LAMA1: variants seen among roughly 807,000 people sequenced by gnomAD.
LAMA1 encodes the protein laminin subunit alpha-1.
In LAMA1, 219 loss-of-function variants were observed where a neutral mutation model predicts 348.7. The ratio of observed to expected loss-of-function variants is 0.63; its 90% confidence interval spans 0.56 to 0.70. The LOEUF is 0.70. Ranked by LOEUF, LAMA1 falls within the 30% of genes least tolerant of loss-of-function variation. LAMA1 has a pLI of 0.00. For missense variants in LAMA1, 3,744 were observed against 3,888.0 expected, an observed-to-expected ratio of 0.96 and a Z score of 0.99; for synonymous variants, 1,487 against 1,491.0, an observed-to-expected ratio of 1.00 and a Z score of 0.06.
chr18:7,014,061 G>C lies in LAMA1; in HGVS notation c.3127-10C>G, dbSNP rs371436843. On this transcript the variant is annotated splice_polypyrimidine_tract_variant and intron_variant, in intron 22 of 62. Coordinates refer to ENST00000389658, the MANE Select transcript of LAMA1 (RefSeq NM_005559.4). ...GACTGCAATTGCAGGCCTGAGAGAA[G>C]GGAAAACCAACTCAATTAAAAAGGC... 2 of 1,607,392 alleles carry C rather than the reference G, an allele frequency of 1.2e-6. No homozygotes were observed. Among genetic ancestry groups the C allele is most frequent in the Non-Finnish European group, 1.7e-6 (2 of 1,174,330 alleles).
intron 55 of LAMA1, chr18:6,956,983 T>C (rs1051778920): frequency 1.3e-5 from 7 of 555,628 alleles, no homozygotes; most frequent in Non-Finnish European, 2.0e-5. Flanking sequence ...GCACCCAGCC[T>C]AGCATATCCC....
intron 19 of LAMA1, 67 bp downstream of exon 19, chr18:7,023,097 T>G: frequency 6.6e-7 from 1 of 1,526,132 alleles, no homozygotes; most frequent in Non-Finnish European, 8.9e-7. Flanking sequence ...GTGACACATG[T>G]GACTATACGG....
At position 6,942,343 on chromosome 18, in the gene LAMA1, T is replaced by A. The variant is rs570569297; in HGVS notation, c.9068-104A>T. Reference sequence around the variant, plus strand: ...ATCTCAAGCGGGTTTTTTTATTTTTTAAATTTTTCACTATCAAAATTAGGA... The same window carrying A: ...ATCTCAAGCGGGTTTTTTTATTTTTAAAATTTTTCACTATCAAAATTAGGA... On this transcript the variant is annotated intron_variant, in intron 62 of 62. Coordinates refer to ENST00000389658, the MANE Select transcript of LAMA1 (RefSeq NM_005559.4). 3.1e-4 allele frequency: 388 copies of A among 1,237,572 alleles called. 2 individuals are homozygous for A. The South Asian group carries it at 4.4e-3, about 14-fold the overall frequency. 76.7% of individuals were successfully genotyped at this position (1,237,572 alleles called of 1,614,324 possible). A position where few individuals can be genotyped will look rare whatever the true frequency, so the allele number is the denominator to read the frequency against.
At chr18:7,099,107 ATTT>A (rs2143816773) in intron 1 of LAMA1, among the ~76,000 whole-genome samples, 1 of 151,944 alleles carries the variant, frequency 6.6e-6, no homozygotes, top group East Asian at 1.9e-4. Flanking sequence ...GAGACTTTTC[ATTT>A]TGTTCTGTAC....
At chr18:6,987,055 G>A (rs918397790) in intron 36 of LAMA1, among the ~76,000 whole-genome samples, 1 of 152,130 alleles carries the variant, frequency 6.6e-6, no homozygotes, top group Non-Finnish European at 1.5e-5. Context: ...CACTGCGCCC[G>A]GCCCAAAGCT....
At chr18:7,017,453 C>G in intron 19 of LAMA1, 69 bp from the exon 20 acceptor site, 1 of 1,078,744 alleles carries the variant, frequency 9.3e-7, no homozygotes, top group Non-Finnish European at 1.4e-6. Context: ...ATCCGTCATC[C>G]CCAAAGGAAA....
Position 6,958,646 on chromosome 18 carries a change from A to T in LAMA1, c.7795T>A (p.Leu2599Met). 1 of 1,613,956 alleles carries T rather than the reference A, an allele frequency of 6.2e-7. No individual in the cohort carries two copies. The highest frequency in any genetic ancestry group is 8.5e-7 in the Non-Finnish European group (1 of 1,179,814). The stretch of plus-strand genomic sequence containing the variant: ...ATTTCCACAGGATTGTTCTCATCCA[A>T]TTGGACAGTGATAATTCTAAAAGAC... ...VRNRRIITVQ[L>M]DENNPVEMKL... Residue 2599 changes from leucine to methionine, a missense_variant, in exon 55 of 63, where the codon TTG (leucine) becomes ATG (methionine). Coordinates refer to ENST00000389658, the MANE Select transcript of LAMA1 (RefSeq NM_005559.4).
At chr18:7,110,341 G>GATAC (rs1386504423) in intron 1 of LAMA1, among the ~76,000 whole-genome samples, 1 of 152,098 alleles carries the variant, frequency 6.6e-6, no homozygotes, top group East Asian at 1.9e-4. Flanking sequence ...TGGATAAGGG[G>GATAC]ATACAGAAAA....
At chr18:7,058,756 T>A (rs75255433) in intron 3 of LAMA1, among the ~76,000 whole-genome samples, 1,974 of 152,330 alleles carry the variant, frequency 0.013, 37 homozygotes, top group African/African-American at 0.044. Flanking sequence ...GTCTCTTGCT[T>A]AAGCTGTCCA....
rs560316259 is a variant in LAMA1 at position 7,061,700 on chromosome 18, T to C, written c.346-10764A>G. Among the ~76,000 whole-genome samples, 17 of 152,196 alleles carry C rather than the reference T, an allele frequency of 1.1e-4. 1 individual carries two copies. Among genetic ancestry groups the C allele is most frequent in the Middle Eastern group, 3.4e-3 (1 of 294 alleles). On this transcript the variant is annotated intron_variant, in intron 3 of 62. Coordinates refer to ENST00000389658, the MANE Select transcript of LAMA1 (RefSeq NM_005559.4). ...TGGAAGTAGGCTCACAAATCTGTCA[T>C]GGAGATTGGAAAAAGCAGTCTGCAA...
rs2057872766 is a variant in LAMA1, at chr18:7,013,874, A to C, written c.3304T>G (p.Cys1102Gly). 6.2e-7 allele frequency: 1 copy of C among 1,612,144 alleles called. No individual in the cohort carries two copies. Among genetic ancestry groups the C allele is most frequent in the African/African-American group, 1.3e-5 (1 of 74,876 alleles). ...CDLRGTSGDA[C>G]NLEQGLCGCV... is the part of the protein sequence containing the mutation. ...CCGCAGAGACCCTGCTCCAGGTTGC[A>C]GGCGTCCCCCGACGTCCCCCTCAGG... Residue 1102 changes from cysteine (C) to glycine (G), a missense_variant, in exon 23 of 63, where the codon TGC becomes GGC. Cys to Gly is a radical substitution (Grantham distance 159, BLOSUM62 -3). Transcript: ENST00000389658.
At chr18:7,109,289 C>G (rs1488581570) in intron 1 of LAMA1, among the ~76,000 whole-genome samples, 4 of 152,268 alleles carry the variant, frequency 2.6e-5, no homozygotes, top group Middle Eastern at 3.4e-3. Context: ...TACTAATGAC[C>G]CAGGTTTTAA....
intron 43 of LAMA1, 69 bp from the exon 44 acceptor site, chr18:6,977,950 T>C: frequency 4.6e-6 from 7 of 1,538,324 alleles, no homozygotes; most frequent in South Asian, 2.3e-5. Flanking sequence ...TAATTAATTG[T>C]CCATTAACAA....
At chr18:7,114,213 T>C (rs984355) in intron 1 of LAMA1, among the ~76,000 whole-genome samples, 112,471 of 152,102 alleles carry the variant, frequency 0.74, 42,951 homozygotes, top group East Asian at 0.99. Context: ...GTACAATAGG[T>C]GTAACAGTAA....
chr18:6,982,471 C>T, intron 41 of LAMA1, 26 bp downstream of exon 41: 1 of 1,601,588 alleles, frequency 6.2e-7, no homozygotes, highest in Non-Finnish European at 8.6e-7. Flanking sequence ...CTCTGCCTGT[C>T]TACACCGTCC....
chr18:6,956,929 C>A, intron 55 of LAMA1, 164 bp from the exon 56 acceptor site: 1 of 728,296 alleles, frequency 1.4e-6, no homozygotes, highest in African/African-American at 1.8e-5. Flanking sequence ...AGAGTCCAAA[C>A]ATGCTATCTT....
chr18:7,117,367 C>G (rs2058361685), intron 1 of LAMA1, among the ~76,000 whole-genome samples: 1 of 151,158 alleles, frequency 6.6e-6, no homozygotes, highest in Non-Finnish European at 1.5e-5. Context: ...AGATGGCGCT[C>G]CTGGGTCGCG....
At chr18:6,991,895 T>C (rs1210516283) in intron 36 of LAMA1, among the ~76,000 whole-genome samples, 1 of 152,250 alleles carries the variant, frequency 6.6e-6, no homozygotes, top group Non-Finnish European at 1.5e-5. Context: ...CATTAGATTA[T>C]AGTTTAGATA....
chr18:7,101,917 G>T (rs956401306), intron 1 of LAMA1, among the ~76,000 whole-genome samples: 1 of 151,450 alleles, frequency 6.6e-6, no homozygotes, highest in Non-Finnish European at 1.5e-5. Context: ...GGGCTTAAGG[G>T]ATCTTCCTGC....
Sources: gnomAD v4.1 joint callset for allele counts (sites outside exome capture counted in the v4.1 genomes callset) on GRCh38, gnomAD v4.1.1 for gene constraint, MANE v1.5 for transcripts, NCBI Gene and HGNC (gene_info 2026-07-23, HGNC 2026-07-21) for gene names.